ARID1B: variants seen among roughly 807,000 people sequenced by gnomAD.
The protein encoded by ARID1B is AT-rich interactive domain-containing protein 1B.
Under a neutral mutation model 212.3 loss-of-function variants are expected in ARID1B, and 30 were observed. That is an observed-to-expected ratio of 0.14 (90% CI 0.11 to 0.19). The LOEUF is 0.19. ARID1B is among the 10% of genes least tolerant of loss of function. The pLI, the probability that ARID1B is intolerant of heterozygous loss-of-function variation, is 1.00. For missense variants in ARID1B, 2,891 were observed against 3,204.0 expected (o/e 0.90, Z 2.36); for synonymous variants, 1,402 against 1,301.7 (o/e 1.08, Z -1.66).
chr6:157,029,946 G>C (rs932172223), intron 4 of ARID1B, among the ~76,000 whole-genome samples: 6 of 152,170 alleles, frequency 3.9e-5, no homozygotes, highest in African/African-American at 7.2e-5. Flanking sequence ...TTAGTGTCAT[G>C]GTGTTCTTGC....
chr6:156,945,268 T>G (rs1302810245), intron 4 of ARID1B, among the ~76,000 whole-genome samples: 4 of 120,314 alleles, frequency 3.3e-5, no homozygotes, highest in African/African-American at 6.9e-5. Context: ...TTTTTTTTTT[T>G]GTGAGTGTTT....
intron 4 of ARID1B, among the ~76,000 whole-genome samples, chr6:157,029,132 C>T (rs1780864026): frequency 6.6e-6 from 1 of 152,180 alleles, no homozygotes; most frequent in Non-Finnish European, 1.5e-5. Context: ...AAGGTCTACT[C>T]TTGGCTAGAG....
chr6:156,824,290 A>T (rs201172792), intron 1 of ARID1B, among the ~76,000 whole-genome samples: 10 of 152,160 alleles, frequency 6.6e-5, no homozygotes, highest in Non-Finnish European at 1.5e-4. Context: ...CACTTGTCTT[A>T]TTTTCTGGAA....
intron 2 of ARID1B, among the ~76,000 whole-genome samples, chr6:156,878,005 C>T (rs925318868): frequency 3.9e-5 from 6 of 152,092 alleles, no homozygotes; most frequent in Non-Finnish European, 7.4e-5. Flanking sequence ...CGTGAACCAC[C>T]GCGTCTGGCC....
chr6:157,096,291 G>T (rs1785628417), intron 5 of ARID1B, among the ~76,000 whole-genome samples: 1 of 152,180 alleles, frequency 6.6e-6, no homozygotes, highest in Admixed American at 6.5e-5. Context: ...GCGCTATTCA[G>T]TAAACATGGG....
At position 157,016,361 on chromosome 6, in the gene ARID1B, C is replaced by G. The variant is rs144910989; in HGVS notation, c.2248-68301C>G. Among the ~76,000 whole-genome samples, 1,319 of 152,228 alleles carry G rather than the reference C, an allele frequency of 8.7e-3. 25 individuals are homozygous for G. The highest frequency in any genetic ancestry group is 0.031 in the African/African-American group (1,274 of 41,518). On this transcript the variant is annotated intron_variant, in intron 4 of 19. Transcript: ENST00000636930. ...ATTTGTCCAGTGTGGCTGTTGAGCA[C>G]TTGAATTGTGGCTACTTTACAAAGT...
At chr6:157,158,127 A>G (rs182288274) in intron 8 of ARID1B, among the ~76,000 whole-genome samples, 171 of 152,358 alleles carry the variant, frequency 1.1e-3, no homozygotes, top group Non-Finnish European at 2.3e-3. Flanking sequence ...TGATTGTTAA[A>G]ATTCCTGCCA....
chr6:157,155,580 A>G (rs112497260), intron 8 of ARID1B, among the ~76,000 whole-genome samples: 26 of 152,326 alleles, frequency 1.7e-4, no homozygotes, highest in African/African-American at 6.3e-4. Flanking sequence ...AATTCTGTAG[A>G]CCTGCATTTT....
intron 3 of ARID1B, among the ~76,000 whole-genome samples, chr6:156,926,522 CTTCA>C (rs1791229771): frequency 6.6e-6 from 1 of 152,182 alleles, no homozygotes; most frequent in Admixed American, 6.5e-5. Context: ...ATACCATTAA[CTTCA>C]TTCAGTTTCC....
intron 3 of ARID1B, among the ~76,000 whole-genome samples, chr6:156,935,241 G>A (rs1485222068): frequency 6.6e-6 from 1 of 151,486 alleles, no homozygotes; most frequent in African/African-American, 2.4e-5. Context: ...ACCACACTCG[G>A]CTAATTTTTT....
chr6:156,822,135 T>C (rs1782394118), intron 1 of ARID1B, among the ~76,000 whole-genome samples: 1 of 152,164 alleles, frequency 6.6e-6, no homozygotes, highest in South Asian at 2.1e-4. Context: ...TGAGCTACCA[T>C]GTGTGGCCAG....
At chr6:157,080,381 A>G (rs1784566941) in intron 4 of ARID1B, among the ~76,000 whole-genome samples, 1 of 152,248 alleles carries the variant, frequency 6.6e-6, no homozygotes, top group Admixed American at 6.5e-5. Flanking sequence ...TAAATTGAAT[A>G]CCATCAAAAC....
chr6:157,032,101 A>G (rs1357456802), intron 4 of ARID1B, among the ~76,000 whole-genome samples: 3 of 152,228 alleles, frequency 2.0e-5, no homozygotes, highest in African/African-American at 7.2e-5. Flanking sequence ...CCGGCCCAAA[A>G]TGAATATTTT....
At chr6:156,854,051 A>G (rs1263516631) in intron 2 of ARID1B, among the ~76,000 whole-genome samples, 1 of 152,118 alleles carries the variant, frequency 6.6e-6, no homozygotes, top group Non-Finnish European at 1.5e-5. Flanking sequence ...AATTTTTGTG[A>G]GGTTAAATGA....
At chr6:157,134,991 C>T (rs1046152564) in intron 7 of ARID1B, among the ~76,000 whole-genome samples, 1 of 152,014 alleles carries the variant, frequency 6.6e-6, no homozygotes, top group Non-Finnish European at 1.5e-5. Flanking sequence ...TATGTGAAGA[C>T]TGAGCCTTGG....
chr6:157,167,447 A>G, intron 9 of ARID1B: 2 of 305,704 alleles, frequency 6.5e-6, no homozygotes, highest in Non-Finnish European at 1.2e-5. Flanking sequence ...AGATTGTTAA[A>G]TATGCACACT....
intron 4 of ARID1B, chr6:156,940,450 A>G (rs1792582302): frequency 6.6e-6 from 1 of 152,170 alleles, no homozygotes; most frequent in Non-Finnish European, 1.5e-5. Context: ...GATAAAACAT[A>G]TGTTTTTTGG....
At chr6:157,161,806 T>C (rs762405288) in intron 8 of ARID1B, among the ~76,000 whole-genome samples, 2 of 152,248 alleles carry the variant, frequency 1.3e-5, no homozygotes, top group Non-Finnish European at 2.9e-5. Flanking sequence ...AGTGTTAGCC[T>C]AGTTTATGTT....
intron 1 of ARID1B, among the ~76,000 whole-genome samples, chr6:156,803,351 C>T (rs1323847935): frequency 6.6e-6 from 1 of 152,138 alleles, no homozygotes; most frequent in Non-Finnish European, 1.5e-5. Flanking sequence ...AATAATGGAT[C>T]TTGCAAAGAT....
Sources: allele counts gnomAD v4.1 joint callset (sites outside exome capture counted in the v4.1 genomes callset), GRCh38; gene constraint gnomAD v4.1.1; transcripts MANE v1.5; gene names NCBI Gene and HGNC (gene_info 2026-07-23, HGNC 2026-07-21).